TENM4: variants seen among roughly 807,000 people sequenced by gnomAD.
The protein encoded by TENM4 is teneurin transmembrane protein 4, also known as teneurin-4.
A neutral mutation model predicts 243.3 loss-of-function variants in TENM4; 82 were observed. The observed-to-expected ratio is 0.34, with a 90% CI of 0.28 to 0.40. TENM4 has a LOEUF of 0.40. Among genes scored for constraint, TENM4 ranks in the 10% least tolerant of loss-of-function variants. The probability of loss-of-function intolerance (pLI) is 1.00; values close to 1 mark genes in which losing one functional copy is unlikely to be tolerated. For synonymous variants in TENM4, 1,412 were observed against 1,456.3 expected (o/e 0.97, Z 0.69); for missense variants, 3,138 against 3,673.3 (o/e 0.85, Z 3.77).
intron 3 of TENM4, among the ~76,000 whole-genome samples, chr11:79,192,745 TA>T (rs974778328): frequency 6.4e-4 from 88 of 138,380 alleles, no homozygotes; most frequent in Non-Finnish European, 1.1e-3. Context: ...GAATGATCAA[TA>T]AAAAAAAAAT....
chr11:79,359,113 T>C (rs1857547787), intron 1 of TENM4, among the ~76,000 whole-genome samples: 1 of 151,880 alleles, frequency 6.6e-6, no homozygotes, highest in African/African-American at 2.4e-5. Context: ...AAAGAAAAAA[T>C]AAATTAGCTG....
chr11:79,271,526 T>TGGCC (rs1855968981), intron 2 of TENM4, among the ~76,000 whole-genome samples: 2 of 152,082 alleles, frequency 1.3e-5, no homozygotes, highest in African/African-American at 4.8e-5. Context: ...GGGTAAACAG[T>TGGCC]CTGTGTTTGC....
At chr11:79,200,353 CCTT>C (rs1863714385) in intron 3 of TENM4, among the ~76,000 whole-genome samples, 1 of 152,198 alleles carries the variant, frequency 6.6e-6, no homozygotes, top group African/African-American at 2.4e-5. Flanking sequence ...AGGTTTATCT[CCTT>C]CTAAATATCT....
rs1857892712 is a variant in TENM4 at position 78,656,305 on chromosome 11, C to G, written c.*1753G>C. 6.6e-6 allele frequency: 1 copy of G among 152,264 alleles called. No individual in the cohort carries two copies. The highest frequency in any genetic ancestry group is 1.5e-5 in the Non-Finnish European group (1 of 68,060). The allele number at this position is 152,264 out of a possible 1,614,324, so 9.4% of individuals were successfully genotyped here. On this transcript the variant is annotated 3_prime_UTR_variant, in exon 34 of 34. Coordinates refer to ENST00000278550, the MANE Select transcript of TENM4 (RefSeq NM_001098816.3). Reference sequence around the variant, plus strand: ...GCTCAGACTCAGAATTCATTTTCCACACTTAATGTAAATGTAACCCATAAA... The same window carrying G: ...GCTCAGACTCAGAATTCATTTTCCAGACTTAATGTAAATGTAACCCATAAA...
intron 15 of TENM4, among the ~76,000 whole-genome samples, chr11:78,795,879 C>T (rs898724130): frequency 2.0e-5 from 3 of 152,094 alleles, no homozygotes; most frequent in African/African-American, 7.2e-5. Flanking sequence ...GCAAAGGAAC[C>T]TCTGACTTCC....
chr11:79,086,819 G>GC (rs1860820963), intron 4 of TENM4, among the ~76,000 whole-genome samples: 1 of 121,908 alleles, frequency 8.2e-6, no homozygotes, highest in African/African-American at 3.3e-5. Context: ...GGGTGACAGA[G>GC]CAAGACTCTG....
intron 1 of TENM4, among the ~76,000 whole-genome samples, chr11:79,385,426 C>G (rs995208387): frequency 2.0e-5 from 3 of 152,244 alleles, no homozygotes; most frequent in Admixed American, 6.5e-5. Flanking sequence ...CTGAAAGAAG[C>G]TAGGTTATTA....
At chr11:78,929,429 ATCTC>A (rs1398635258) in intron 6 of TENM4, among the ~76,000 whole-genome samples, 4 of 152,294 alleles carry the variant, frequency 2.6e-5, no homozygotes, top group East Asian at 1.9e-4. Flanking sequence ...AACTGATTTA[ATCTC>A]TCTCTCAGAA....
intron 6 of TENM4, among the ~76,000 whole-genome samples, chr11:79,039,671 A>G (rs1463246190): frequency 6.6e-6 from 1 of 152,190 alleles, no homozygotes; most frequent in Non-Finnish European, 1.5e-5. Flanking sequence ...ATTAGGACAA[A>G]TACCTAATAC....
At chr11:79,373,816 A>G (rs1276373210) in intron 1 of TENM4, among the ~76,000 whole-genome samples, 1 of 152,242 alleles carries the variant, frequency 6.6e-6, no homozygotes, top group African/African-American at 2.4e-5. Flanking sequence ...GACTCACCAT[A>G]GAGTCAAAAG....
At chr11:79,266,919 G>C (rs1855892927) in intron 2 of TENM4, among the ~76,000 whole-genome samples, 1 of 152,150 alleles carries the variant, frequency 6.6e-6, no homozygotes, top group African/African-American at 2.4e-5. Context: ...TATAAATTAT[G>C]AGATACAAAA....
intron 29 of TENM4, among the ~76,000 whole-genome samples, chr11:78,684,690 TG>T (rs1279420305): frequency 6.6e-6 from 1 of 152,194 alleles, no homozygotes; most frequent in African/African-American, 2.4e-5. Flanking sequence ...GGTGTGTGAC[TG>T]GGGCAAGCTA....
intron 6 of TENM4, among the ~76,000 whole-genome samples, chr11:78,943,176 C>T (rs570486554): frequency 1.3e-5 from 2 of 152,164 alleles, no homozygotes; most frequent in South Asian, 2.1e-4. Context: ...AGACAGCAAA[C>T]GCAGTCTGTA....
intron 1 of TENM4, among the ~76,000 whole-genome samples, chr11:79,435,552 A>G (rs1383758643): frequency 6.6e-6 from 1 of 152,234 alleles, no homozygotes; most frequent in East Asian, 1.9e-4. Flanking sequence ...ATCTGCAAGG[A>G]GGTGATTTAA....
intron 6 of TENM4, among the ~76,000 whole-genome samples, chr11:78,986,223 A>G (rs111985094): frequency 2.0e-3 from 305 of 152,352 alleles, no homozygotes; most frequent in African/African-American, 7.0e-3. Flanking sequence ...TGAAAGTTCT[A>G]TAACTCAAAG....
intron 4 of TENM4, among the ~76,000 whole-genome samples, chr11:79,104,611 G>T (rs1402481532): frequency 6.6e-6 from 1 of 152,236 alleles, no homozygotes; most frequent in African/African-American, 2.4e-5. Flanking sequence ...GGACCCTGCA[G>T]GTGGACACTT....
chr11:79,077,920 G>C (rs1860573431), intron 4 of TENM4, among the ~76,000 whole-genome samples: 1 of 152,222 alleles, frequency 6.6e-6, no homozygotes. Flanking sequence ...GCTGGAGCTG[G>C]TCTGGAAGAA....
Position 78,669,079 on chromosome 11 carries a change from A to G in TENM4, c.7266T>C (p.Asp2422=). The change falls in exon 32 of 34, where the codon GAT becomes GAC. Residue 2422 remains aspartate, a synonymous_variant. Coordinates refer to ENST00000278550, the MANE Select transcript of TENM4 (RefSeq NM_001098816.3). This position sits in a 1 kb window ranked among gnomAD's most constrained non-coding sequence, Gnocchi z 6.4. The stretch of plus-strand genomic sequence containing the variant: ...GGCTAGTCCAGCGTCCGGCCAGCAC[A>G]TCATAATCTCGCCGGCCCATGTGGA... The part of the protein sequence containing the change: ...KLVHMGRRDY[D]VLAGRWTSPD... The G allele has an allele frequency of 1.2e-6, 2 of 1,613,950 alleles. No individual in the cohort carries two copies. Among genetic ancestry groups the G allele is most frequent in the East Asian group, 2.2e-5 (1 of 44,892 alleles).
chr11:79,049,276 C>A (rs1007454649), intron 6 of TENM4, among the ~76,000 whole-genome samples: 1 of 152,216 alleles, frequency 6.6e-6, no homozygotes, highest in Non-Finnish European at 1.5e-5. Flanking sequence ...GCTCTTCCCC[C>A]CTACTCAGGA....
Sources: allele counts gnomAD v4.1 joint callset (sites outside exome capture counted in the v4.1 genomes callset), GRCh38; gene constraint gnomAD v4.1.1; non-coding constraint Gnocchi (gnomAD v3.1); transcripts MANE v1.5; gene names NCBI Gene and HGNC (gene_info 2026-07-23, HGNC 2026-07-21).